CDKAL1: variants seen among roughly 807,000 people sequenced by gnomAD.
The protein encoded by CDKAL1 is threonylcarbamoyladenosine tRNA methylthiotransferase.
Under a neutral mutation model 68.2 loss-of-function variants are expected in CDKAL1, and 32 were observed. That is an observed-to-expected ratio of 0.47 (90% CI 0.35 to 0.63). CDKAL1 has a LOEUF of 0.63. Among genes scored for constraint, CDKAL1 ranks in the 30% least tolerant of loss-of-function variants. CDKAL1 has a pLI of 0.00. For synonymous variants in CDKAL1, 234 were observed against 244.3 expected (o/e 0.96, Z 0.39); for missense variants, 606 against 696.7 (o/e 0.87, Z 1.47).
rs538286162 is a variant in CDKAL1, at chr6:21,134,744, CAG to C, written c.1299+26283_1299+26284del. Among the ~76,000 whole-genome samples the C allele has an allele frequency of 1.4e-3, 220 of 152,108 alleles. 1 individual carries two copies. The highest frequency in any genetic ancestry group is 6.8e-3 in the Middle Eastern group (2 of 294). On this transcript the variant is annotated intron_variant, in intron 13 of 15. Transcript: ENST00000274695. Reference sequence around the variant, plus strand: ...ACATAAGCTCTATGAGCAATACCAACAGAAATTATATAAAATGTAATGCAGGG... The same window carrying C: ...ACATAAGCTCTATGAGCAATACCAACAAATTATATAAAATGTAATGCAGGG...
chr6:21,099,907 C>T (rs555833142), intron 12 of CDKAL1, among the ~76,000 whole-genome samples: 32 of 152,194 alleles, frequency 2.1e-4, no homozygotes, highest in Non-Finnish European at 3.8e-4. Context: ...TATGTGCTAG[C>T]CTTGCCTTTG....
At chr6:21,120,056 C>CA in intron 13 of CDKAL1, among the ~76,000 whole-genome samples, 1 of 152,320 alleles carries the variant, frequency 6.6e-6, no homozygotes, top group African/African-American at 2.4e-5. Flanking sequence ...GGATTGCTCT[C>CA]ACCTCTTGCT....
chr6:20,733,438 AT>A (rs1428989494), intron 5 of CDKAL1, among the ~76,000 whole-genome samples: 1 of 152,164 alleles, frequency 6.6e-6, no homozygotes, highest in Non-Finnish European at 1.5e-5. Context: ...TGAAAAAGGG[AT>A]TTGGAGGAAA....
At chr6:20,807,311 C>T (rs1364771659) in intron 8 of CDKAL1, among the ~76,000 whole-genome samples, 1 of 152,124 alleles carries the variant, frequency 6.6e-6, no homozygotes, top group Non-Finnish European at 1.5e-5. Context: ...GCAACCTCCA[C>T]CTTCTGGGTT....
intron 11 of CDKAL1, among the ~76,000 whole-genome samples, chr6:21,002,658 A>T (rs943723269): frequency 2.3e-5 from 3 of 130,458 alleles, no homozygotes; most frequent in Non-Finnish European, 1.7e-5. Context: ...AACCTATTTT[A>T]AAAAAAAAAA....
intron 5 of CDKAL1, among the ~76,000 whole-genome samples, chr6:20,657,107 A>T (rs973929626): frequency 6.6e-6 from 1 of 152,170 alleles, no homozygotes; most frequent in African/African-American, 2.4e-5. Flanking sequence ...CTTTATTCAG[A>T]TATTTTTCCA....
rs148417775 is a variant in CDKAL1 at position 21,103,097 on chromosome 6, A to T, written c.1237-5304A>T. On this transcript the variant is annotated intron_variant, in intron 12 of 15. Coordinates refer to ENST00000274695, the MANE Select transcript of CDKAL1 (RefSeq NM_017774.3). ...ATCCGTATGTAGAAATGAAGTCCAT[A>T]GTCTTATTATAGCTTTTCCTTATAA... Among the ~76,000 whole-genome samples, 932 of 152,350 alleles carry T rather than the reference A, an allele frequency of 6.1e-3. 8 individuals are homozygous for T. The highest frequency in any genetic ancestry group is 0.021 in the African/African-American group (878 of 41,574).
chr6:21,150,374 G>A lies in CDKAL1; in HGVS notation c.1299+41911G>A, dbSNP rs796208691. On this transcript the variant is annotated intron_variant, in intron 13 of 15. Transcript: ENST00000274695. Reference sequence around the variant, plus strand: ...TCAAAACTCCTGATGCCTCCTTAGCGATTGTACAAGCTTGCTTCCATGGCC... The same window carrying A: ...TCAAAACTCCTGATGCCTCCTTAGCAATTGTACAAGCTTGCTTCCATGGCC... 2.9e-4 allele frequency among the ~76,000 whole-genome samples: 44 copies of A among 152,274 alleles called. 1 individual carries two copies. Among genetic ancestry groups the A allele is most frequent in the African/African-American group, 1.0e-3 (43 of 41,556 alleles).
chr6:20,774,464 A>G (rs1025910324), intron 7 of CDKAL1, among the ~76,000 whole-genome samples: 26 of 152,116 alleles, frequency 1.7e-4, no homozygotes, highest in African/African-American at 6.3e-4. Flanking sequence ...GACCTTTATG[A>G]TTGGCTTCCT....
intron 6 of CDKAL1, among the ~76,000 whole-genome samples, chr6:20,740,677 A>G (rs770180586): frequency 2.0e-4 from 30 of 152,200 alleles, no homozygotes; most frequent in Admixed American, 3.9e-4. Flanking sequence ...AGGTTCTTGT[A>G]TCATGTTCTC....
chr6:21,205,813 G>A (rs1319063357), intron 15 of CDKAL1, among the ~76,000 whole-genome samples: 2 of 138,468 alleles, frequency 1.4e-5, no homozygotes, highest in Admixed American at 7.6e-5. Flanking sequence ...TTACATGCGT[G>A]AGCCCCCGCG....
intron 13 of CDKAL1, among the ~76,000 whole-genome samples, chr6:21,167,763 A>G (rs1167189696): frequency 6.6e-6 from 1 of 152,254 alleles, no homozygotes; most frequent in Non-Finnish European, 1.5e-5. Context: ...GAAATAAATC[A>G]GGAGATTCCA....
At chr6:21,171,105 C>G (rs1379444089) in intron 13 of CDKAL1, among the ~76,000 whole-genome samples, 6 of 152,130 alleles carry the variant, frequency 3.9e-5, no homozygotes. Context: ...TAATTAATCA[C>G]TATGGTCCAG....
chr6:21,002,342 A>G (rs1486813909), intron 11 of CDKAL1, among the ~76,000 whole-genome samples: 1 of 152,180 alleles, frequency 6.6e-6, no homozygotes, highest in African/African-American at 2.4e-5. Flanking sequence ...CAATGAAAAT[A>G]TTAGACATAC....
intron 10 of CDKAL1, among the ~76,000 whole-genome samples, chr6:20,978,839 G>A (rs1315760288): frequency 6.6e-6 from 1 of 152,130 alleles, no homozygotes; most frequent in East Asian, 1.9e-4. Context: ...CTTTGTTGTT[G>A]AGAATATAGA....
intron 5 of CDKAL1, among the ~76,000 whole-genome samples, chr6:20,672,258 C>CTT (rs1554172777): frequency 0.011 from 996 of 91,196 alleles, 5 homozygotes; most frequent in Middle Eastern, 0.024. Context: ...TTCTTTCTTT[C>CTT]TTTCTTTTTC....
chr6:20,879,846 A>C (rs575358094), intron 9 of CDKAL1, among the ~76,000 whole-genome samples: 1 of 152,264 alleles, frequency 6.6e-6, no homozygotes, highest in African/African-American at 2.4e-5. Flanking sequence ...GAAGCTTACC[A>C]AGTTTTGAAA....
intron 5 of CDKAL1, among the ~76,000 whole-genome samples, chr6:20,721,723 C>CTTTTT (rs1562052673): frequency 2.8e-5 from 3 of 107,922 alleles, no homozygotes; most frequent in African/African-American, 1.2e-4. Flanking sequence ...TGACCAACTT[C>CTTTTT]TGTTTTTTTT....
intron 5 of CDKAL1, among the ~76,000 whole-genome samples, chr6:20,717,844 G>C (rs910679012): frequency 1.3e-5 from 2 of 151,866 alleles, no homozygotes; most frequent in African/African-American, 2.4e-5. Flanking sequence ...GTGTTTTTTT[G>C]CCTTCTCCCT....
Sources: gnomAD v4.1 joint callset for allele counts (sites outside exome capture counted in the v4.1 genomes callset) on GRCh38, gnomAD v4.1.1 for gene constraint, MANE v1.5 for transcripts, NCBI Gene and HGNC (gene_info 2026-07-23, HGNC 2026-07-21) for gene names.